Variants in HDAC9 observed in about 807,000 individuals in gnomAD.
HDAC9 encodes MEF-2 interacting transcription repressor (MITR) protein.
A neutral mutation model predicts 139.4 loss-of-function variants in HDAC9; 41 were observed. The observed-to-expected ratio is 0.29, with a 90% CI of 0.23 to 0.38. The LOEUF (loss-of-function observed/expected upper bound fraction) is 0.38, where lower values mean the gene tolerates loss of function less well. HDAC9 is among the 10% of genes least tolerant of loss of function. The pLI, the probability that HDAC9 is intolerant of heterozygous loss-of-function variation, is 1.00. For synonymous variants in HDAC9, 517 were observed against 476.2 expected, an observed-to-expected ratio of 1.09 and a Z score of -1.12; for missense variants, 1,147 against 1,297.0, an observed-to-expected ratio of 0.88 and a Z score of 1.78.
chr7:18,772,166 TC>T (rs1441874596), intron 16 of HDAC9, among the ~76,000 whole-genome samples: 1 of 152,112 alleles, frequency 6.6e-6, no homozygotes, highest in Non-Finnish European at 1.5e-5. Flanking sequence ...AGCTAAATTT[TC>T]AAGAAGAATT....
intron 22 of HDAC9, among the ~76,000 whole-genome samples, chr7:18,913,595 C>T (rs1802927667): frequency 6.6e-6 from 1 of 152,086 alleles, no homozygotes; most frequent in South Asian, 2.1e-4. Flanking sequence ...ACGCTTATAG[C>T]AGCCTTCCTA....
At chr7:18,227,168 A>T (rs1402903950) in intron 2 of HDAC9, among the ~76,000 whole-genome samples, 1 of 152,220 alleles carries the variant, frequency 6.6e-6, no homozygotes, top group African/African-American at 2.4e-5. Context: ...CAATGGGTTT[A>T]TGTTAAAGCT....
rs1444856018 is a variant in HDAC9 at position 18,996,351 on chromosome 7, A to G, written c.*289A>G. The G allele has an allele frequency of 3.1e-6, 1 of 321,524 alleles. No homozygotes were observed. Among genetic ancestry groups the G allele is most frequent in the Non-Finnish European group, 5.9e-6 (1 of 169,626 alleles). 19.9% of individuals were successfully genotyped at this position (321,524 alleles called of 1,614,324 possible). A position where few individuals can be genotyped will look rare whatever the true frequency, so the allele number is the denominator to read the frequency against. On this transcript the variant is annotated 3_prime_UTR_variant, in exon 26 of 26. Coordinates refer to ENST00000686413, the MANE Select transcript of HDAC9 (RefSeq NM_178425.4). ...AATATGCTGGGTGACCCACTCCTAG[A>G]CACCAAGTTTGAACTAGAAACATTC...
At chr7:18,189,859 T>A (rs1222572784) in intron 2 of HDAC9, among the ~76,000 whole-genome samples, 1 of 152,204 alleles carries the variant, frequency 6.6e-6, no homozygotes, top group Non-Finnish European at 1.5e-5. Flanking sequence ...GCATGAGATA[T>A]TTTTATGTGA....
intron 10 of HDAC9, 105 bp from the exon 11 acceptor site, chr7:18,648,361 A>G (rs1212238956): frequency 2.2e-6 from 2 of 922,530 alleles, no homozygotes; most frequent in Non-Finnish European, 3.4e-6. Flanking sequence ...TATACCATGT[A>G]TCTGTTTTCT....
chr7:18,189,489 TAAAG>T (rs1332955954), intron 2 of HDAC9, among the ~76,000 whole-genome samples: 2 of 151,750 alleles, frequency 1.3e-5, no homozygotes, highest in East Asian at 1.9e-4. Context: ...TTAGAAGAAA[TAAAG>T]AAAAAAAAGA....
intron 16 of HDAC9, among the ~76,000 whole-genome samples, chr7:18,770,406 A>T (rs999452916): frequency 3.0e-4 from 46 of 152,248 alleles, no homozygotes; most frequent in African/African-American, 1.1e-3. Context: ...CCAGTGCAGG[A>T]TCTCTTCAGT....
At chr7:18,428,154 T>C (rs999918864) in intron 1 of HDAC9, among the ~76,000 whole-genome samples, 1 of 152,226 alleles carries the variant, frequency 6.6e-6, no homozygotes, top group Non-Finnish European at 1.5e-5. Flanking sequence ...ATTTATATTT[T>C]CAATTTTTTT....
intron 2 of HDAC9, among the ~76,000 whole-genome samples, chr7:18,172,266 G>C (rs757759035): frequency 1.3e-4 from 20 of 152,164 alleles, no homozygotes; most frequent in Non-Finnish European, 2.6e-4. Context: ...TCTGATGGTA[G>C]TTTGTATTTC....
chr7:18,507,710 C>G (rs1371435555), intron 2 of HDAC9, among the ~76,000 whole-genome samples: 1 of 152,068 alleles, frequency 6.6e-6, no homozygotes, highest in Non-Finnish European at 1.5e-5. Flanking sequence ...AGGCTGGTCT[C>G]GATCTCTCGA....
chr7:18,894,662 T>A (rs1563031531), intron 22 of HDAC9, among the ~76,000 whole-genome samples: 1 of 151,942 alleles, frequency 6.6e-6, no homozygotes, highest in Non-Finnish European at 1.5e-5. Flanking sequence ...GAGCAGTAGG[T>A]AGAGGGAGGA....
intron 1 of HDAC9, among the ~76,000 whole-genome samples, chr7:18,449,210 A>G (rs1792570755): frequency 6.6e-6 from 1 of 152,198 alleles, no homozygotes; most frequent in African/African-American, 2.4e-5. Flanking sequence ...TATAGTAGCC[A>G]AAAAGTGAGA....
chr7:18,281,608 A>G (rs970413634), intron 2 of HDAC9, among the ~76,000 whole-genome samples: 1 of 152,192 alleles, frequency 6.6e-6, no homozygotes, highest in Non-Finnish European at 1.5e-5. Flanking sequence ...CTAATGCTCA[A>G]TTACCTTAGC....
rs370900289 is a variant in HDAC9 at position 18,844,737 on chromosome 7, G to A, written c.2684+8740G>A. Among the ~76,000 whole-genome samples the A allele has an allele frequency of 3.9e-5, 6 of 152,268 alleles. No individual in the cohort carries two copies. The East Asian group carries it at 1.2e-3, about 29-fold the overall frequency. ...CAAGAGCAAGAATAGAAGAGGCACA[G>A]ATTTATAATTTGAAAGTTTTATTAC... On this transcript the variant is annotated intron_variant, in intron 21 of 25. Coordinates refer to ENST00000686413, the MANE Select transcript of HDAC9 (RefSeq NM_178425.4).
At chr7:18,276,249 T>C (rs1584963149) in intron 2 of HDAC9, among the ~76,000 whole-genome samples, 1 of 152,186 alleles carries the variant, frequency 6.6e-6, no homozygotes, top group South Asian at 2.1e-4. Flanking sequence ...GTAGGCCAGG[T>C]GTGCACATTG....
intron 1 of HDAC9, among the ~76,000 whole-genome samples, chr7:18,108,521 A>T (rs1319945839): frequency 6.6e-6 from 1 of 151,974 alleles, no homozygotes; most frequent in East Asian, 1.9e-4. Flanking sequence ...TCAAATGAGA[A>T]CTTATTTTCT....
At chr7:18,858,398 G>C (rs1431342827) in intron 21 of HDAC9, among the ~76,000 whole-genome samples, 1 of 152,118 alleles carries the variant, frequency 6.6e-6, no homozygotes, top group Non-Finnish European at 1.5e-5. Context: ...GAGAATGAGT[G>C]CCCAGCAAAG....
At chr7:18,935,604 G>A (rs1781576327) in intron 22 of HDAC9, among the ~76,000 whole-genome samples, 1 of 152,164 alleles carries the variant, frequency 6.6e-6, no homozygotes. Flanking sequence ...CTTCTTAGCT[G>A]TGGGATCTTG....
At chr7:18,262,142 C>A (rs1795722436) in intron 2 of HDAC9, among the ~76,000 whole-genome samples, 1 of 152,164 alleles carries the variant, frequency 6.6e-6, no homozygotes, top group Admixed American at 6.5e-5. Context: ...CAATTAACTG[C>A]AAAGGGCTAT....
Sources: allele counts gnomAD v4.1 joint callset (sites outside exome capture counted in the v4.1 genomes callset), GRCh38; gene constraint gnomAD v4.1.1; transcripts MANE v1.5; gene names NCBI Gene and HGNC (gene_info 2026-07-23, HGNC 2026-07-21).